The following MAP3K7 variants were observed in gnomAD, a reference collection of about 807,000 sequenced individuals.
The protein encoded by MAP3K7 is mitogen-activated protein kinase kinase kinase 7.
Under a neutral mutation model 84.8 loss-of-function variants are expected in MAP3K7, and 21 were observed. That is an observed-to-expected ratio of 0.25 (90% CI 0.18 to 0.36). The LOEUF (loss-of-function observed/expected upper bound fraction) is 0.36. Among genes scored for constraint, MAP3K7 ranks in the 10% least tolerant of loss-of-function variants. The pLI is 1.00. For synonymous variants in MAP3K7, 241 were observed against 247.7 expected, an observed-to-expected ratio of 0.97 and a Z score of 0.25; for missense variants, 503 against 747.7, an observed-to-expected ratio of 0.67 and a Z score of 3.82.
At chr6:90,560,272 T>C (rs998375972) in intron 4 of MAP3K7, 58 bp from the exon 5 acceptor site, 70 of 1,576,440 alleles carry the variant, frequency 4.4e-5, no homozygotes, top group South Asian at 1.2e-4. Context: ...AAAGACACAA[T>C]GTGAATGCAA....
At chr6:90,535,879 A>C (rs1775653323) in intron 13 of MAP3K7, among the ~76,000 whole-genome samples, 1 of 152,162 alleles carries the variant, frequency 6.6e-6, no homozygotes, top group African/African-American at 2.4e-5. Flanking sequence ...AATCCAGTGG[A>C]TATGCCAAGT....
chr6:90,519,718 A>G (rs983529648), intron 14 of MAP3K7, among the ~76,000 whole-genome samples: 9 of 151,936 alleles, frequency 5.9e-5, no homozygotes, highest in African/African-American at 2.2e-4. Flanking sequence ...AGAAGGCTAT[A>G]TCAACTCCGC....
At chr6:90,564,140 C>G (rs1463581962) in intron 3 of MAP3K7, among the ~76,000 whole-genome samples, 1 of 152,102 alleles carries the variant, frequency 6.6e-6, no homozygotes, top group Non-Finnish European at 1.5e-5. Flanking sequence ...ACCATTGATG[C>G]CAGGAAGAAA....
chr6:90,542,635 T>C (rs560851402), intron 12 of MAP3K7: 2 of 226,170 alleles, frequency 8.8e-6, no homozygotes, highest in East Asian at 1.8e-4. Flanking sequence ...GTCCTGGCTA[T>C]ATGATTCTGG....
chr6:90,516,963 CTT>C (rs1386244997), intron 16 of MAP3K7, among the ~76,000 whole-genome samples: 1 of 151,830 alleles, frequency 6.6e-6, no homozygotes, highest in Non-Finnish European at 1.5e-5. Flanking sequence ...TTTCTATCCT[CTT>C]TTTGTGTAGG....
At chr6:90,551,567 T>C (rs1006507905) in intron 8 of MAP3K7, 2 of 152,182 alleles carry the variant, frequency 1.3e-5, no homozygotes, top group African/African-American at 2.4e-5. Context: ...ATAGGCCAAA[T>C]AGTAAAAGTC....
At chr6:90,569,797 A>G (rs1776839599) in intron 2 of MAP3K7, among the ~76,000 whole-genome samples, 1 of 151,980 alleles carries the variant, frequency 6.6e-6, no homozygotes. Context: ...CTATTAATGC[A>G]TCCCGCTCCA....
At chr6:90,578,513 G>C (rs1229004943) in intron 1 of MAP3K7, among the ~76,000 whole-genome samples, 1 of 152,168 alleles carries the variant, frequency 6.6e-6, no homozygotes, top group East Asian at 1.9e-4. Context: ...GAGCTCAGGC[G>C]ATCTGCCTGG....
At chr6:90,550,278 T>C (rs1448835202) in intron 9 of MAP3K7, among the ~76,000 whole-genome samples, 190 bp downstream of exon 9, 1 of 152,120 alleles carries the variant, frequency 6.6e-6, no homozygotes, top group Non-Finnish European at 1.5e-5. Context: ...AAGCAGGTCT[T>C]CAATAACTCT....
At chr6:90,537,414 T>A (rs1379010119) in intron 12 of MAP3K7, among the ~76,000 whole-genome samples, 1 of 151,996 alleles carries the variant, frequency 6.6e-6, no homozygotes. Context: ...AGACATCCTT[T>A]TAAAACCAAT....
In MAP3K7 at chr6:90,571,796, T is replaced by C. The variant is rs1325503984; in HGVS notation, c.132A>G (p.Arg44=). The C allele has an allele frequency of 3.1e-6, 5 of 1,592,032 alleles. No homozygotes were observed. The South Asian group carries it at 5.7e-5, about 18-fold the overall frequency. Residue 44 remains arginine, a synonymous_variant, in exon 2 of 17, where the codon AGA becomes AGG. Transcript: ENST00000369329. ...CTTTGCAAACAACTCCAAAGGCTCC[T>C]CTTCCAACAACCTGAGTTAAACAAA... ...KEIEVEEVVG[R]GAFGVVCKAK...
intron 12 of MAP3K7, among the ~76,000 whole-genome samples, chr6:90,538,540 T>C (rs1353269446): frequency 1.3e-5 from 2 of 151,926 alleles, no homozygotes; most frequent in East Asian, 3.9e-4. Flanking sequence ...TTTCATTCTG[T>C]AATGAATTCT....
At chr6:90,584,595 G>A (rs370746261) in intron 1 of MAP3K7, among the ~76,000 whole-genome samples, 1 of 152,054 alleles carries the variant, frequency 6.6e-6, no homozygotes, top group Non-Finnish European at 1.5e-5. Context: ...ATAGCTTTAG[G>A]GGAAGAACAT....
At chr6:90,568,157 TAC>T (rs567673083) in intron 3 of MAP3K7, among the ~76,000 whole-genome samples, 10 of 152,296 alleles carry the variant, frequency 6.6e-5, no homozygotes, top group African/African-American at 2.4e-4. Context: ...GGCAAATGTA[TAC>T]ATACGTAACA....
chr6:90,558,265 T>C (rs1776398997), intron 5 of MAP3K7, among the ~76,000 whole-genome samples: 1 of 152,090 alleles, frequency 6.6e-6, no homozygotes, highest in Non-Finnish European at 1.5e-5. Flanking sequence ...GAGGTTGTAG[T>C]GAGCTGAGAT....
At chr6:90,518,192 T>C (rs1430607328) in intron 16 of MAP3K7, among the ~76,000 whole-genome samples, 1 of 151,736 alleles carries the variant, frequency 6.6e-6, no homozygotes, top group Non-Finnish European at 1.5e-5. Flanking sequence ...ATCTTTATAA[T>C]AATAAGTCTA....
chr6:90,542,331 C>G, intron 12 of MAP3K7: 1 of 983,978 alleles, frequency 1.0e-6, no homozygotes, highest in Non-Finnish European at 1.2e-6. Flanking sequence ...GAAAGTGCAC[C>G]TGAGTAAGTT....
chr6:90,536,064 T>C (rs1448616569), intron 13 of MAP3K7, among the ~76,000 whole-genome samples: 2 of 152,146 alleles, frequency 1.3e-5, no homozygotes, highest in African/African-American at 4.8e-5. Context: ...TATTAAAACA[T>C]ACATAAAACC....
intron 12 of MAP3K7, chr6:90,542,291 C>A (rs1310672520): frequency 1.0e-6 from 1 of 983,500 alleles, no homozygotes; most frequent in East Asian, 1.1e-4. Context: ...CCACTAGTGT[C>A]AATTCTACAG....
Sources: allele counts gnomAD v4.1 joint callset (sites outside exome capture counted in the v4.1 genomes callset), GRCh38; gene constraint gnomAD v4.1.1; transcripts MANE v1.5; gene names NCBI Gene and HGNC (gene_info 2026-07-23, HGNC 2026-07-21).